Variants in CENPF observed in about 807,000 individuals in gnomAD.
CENPF encodes the protein AH antigen.
A neutral mutation model predicts 307.3 loss-of-function variants in CENPF; 214 were observed. That is an observed-to-expected ratio of 0.70 (90% CI 0.62 to 0.78). CENPF has a LOEUF of 0.78. Ranked by LOEUF, CENPF falls within the 30% of genes least tolerant of loss-of-function variation. The pLI is 0.00. For synonymous variants in CENPF, 1,259 were observed against 1,270.6 expected (o/e 0.99, Z 0.19); for missense variants, 3,401 against 3,483.9 (o/e 0.98, Z 0.60).
rs372588481 is a variant in CENPF at position 214,641,868 on chromosome 1, C to T, written c.3530C>T (p.Ser1177Phe). The T allele has an allele frequency of 1.4e-5, 22 of 1,605,092 alleles. No homozygotes were observed. The highest frequency in any genetic ancestry group is 1.8e-5 in the Non-Finnish European group (21 of 1,177,856). ...CTAGAATCAGAACCAATTAGGAACTCTGTGAAAGAAAGAGAGAGTGAGAGA... is the reference window on the plus strand; with the variant it reads ...CTAGAATCAGAACCAATTAGGAACTTTGTGAAAGAAAGAGAGAGTGAGAGA... ...QNLESEPIRNSVKERESERNQ... is the reference protein window; with the variant it reads ...QNLESEPIRNFVKERESERNQ... Residue 1177 changes from serine to phenylalanine, a missense_variant, in exon 12 of 20, where the codon TCT (serine) becomes TTT (phenylalanine). Physicochemically the swap from Ser to Phe is radical, Grantham distance 155. Transcript: ENST00000366955.
At position 214,642,721 on chromosome 1, in the gene CENPF, G is replaced by T; in HGVS notation, c.4383G>T (p.Val1461=). 1.2e-6 allele frequency: 2 copies of T among 1,614,150 alleles called. No individual in the cohort carries two copies. Among genetic ancestry groups the T allele is most frequent in the Non-Finnish European group, 1.7e-6 (2 of 1,180,024 alleles). Residue 1461 remains valine (V), a synonymous_variant, in exon 12 of 20, where the codon GTG becomes GTT. Transcript: ENST00000366955. The part of the protein sequence containing the change: ...TNLRNFQGDL[V]KEMQLGLEEG... The stretch of plus-strand genomic sequence containing the variant: ...TGAGAAACTTTCAAGGTGACTTGGT[G>T]AAGGAGATGCAGCTGGGCTTGGAGG...
At chr1:214,649,591 G>A (rs901081203) in intron 14 of CENPF, among the ~76,000 whole-genome samples, 17 of 152,204 alleles carry the variant, frequency 1.1e-4, no homozygotes, top group African/African-American at 3.9e-4. Context: ...AAGAGTTGGA[G>A]AGATTTGTTC....
At position 214,646,839 on chromosome 1, in the gene CENPF, A is replaced by G; in HGVS notation, c.7269A>G (p.Gln2423=). The change falls in exon 13 of 20, where the codon CAA becomes CAG. Residue 2423 remains glutamine, a synonymous_variant. Transcript: ENST00000366955. Reference sequence around the variant, plus strand: ...ATTCATCATTTGAAAATATTTTGCAAGAAAAAGAGCAAGAGAAAGTACAGA... The same window carrying G: ...ATTCATCATTTGAAAATATTTTGCAGGAAAAAGAGCAAGAGAAAGTACAGA... ...IINSSFENIL[Q]EKEQEKVQMK... 6.2e-7 allele frequency: 1 copy of G among 1,611,090 alleles called. No homozygotes were observed. The highest frequency in any genetic ancestry group is 8.5e-7 in the Non-Finnish European group (1 of 1,179,126).
rs1658857753 is a variant in CENPF at position 214,664,131 on chromosome 1, A to G, written c.*337A>G. 1 of 180,742 alleles carries G rather than the reference A, an allele frequency of 5.5e-6. No individual in the cohort carries two copies. The highest frequency in any genetic ancestry group is 1.1e-5 in the Non-Finnish European group (1 of 87,262). 11.2% of individuals were successfully genotyped at this position (180,742 alleles called of 1,614,324 possible). ...GTGGGTTTTACACTAAAAAAATGCA[A>G]AACACATTTTATTCTTCTAATTAAC... On this transcript the variant is annotated 3_prime_UTR_variant, in exon 20 of 20. Coordinates refer to ENST00000366955, the MANE Select transcript of CENPF (RefSeq NM_016343.4).
At chr1:214,635,446 T>G (rs1175369128) in intron 10 of CENPF, among the ~76,000 whole-genome samples, 1 of 152,202 alleles carries the variant, frequency 6.6e-6, no homozygotes, top group Non-Finnish European at 1.5e-5. Context: ...TTTTCCAGCA[T>G]AGTACCCAAT....
In CENPF at chr1:214,646,198, T is replaced by C; in HGVS notation, c.6628T>C (p.Ser2210Pro). ...TGAATTAGACCTTGTCACGTTAAGG[T>C]CTGAAAAAGAAAATCTGACAAAACA... ...VFELDLVTLR[S>P]EKENLTKQIQ... Residue 2210 changes from serine (S) to proline (P), a missense_variant, in exon 13 of 20, where the codon TCT becomes CCT. By Grantham distance (74) the Ser-to-Pro change is moderately conservative (BLOSUM62 -1). Transcript: ENST00000366955. The C allele has an allele frequency of 1.9e-6, 3 of 1,613,082 alleles. No homozygotes were observed. The East Asian group carries it at 6.7e-5, about 36-fold the overall frequency.
In CENPF at chr1:214,640,352, A is replaced by C. The variant is rs61732045; in HGVS notation, c.2014A>C (p.Arg672=). The C allele has an allele frequency of 0.018, 29,765 of 1,613,988 alleles. 411 individuals carry two copies. Among genetic ancestry groups the C allele is most frequent in the Non-Finnish European group, 0.02 (23,774 of 1,179,978 alleles). The change falls in exon 12 of 20, where the codon AGA becomes CGA. Residue 672 remains arginine (R), a synonymous_variant. Transcript: ENST00000366955. The stretch of plus-strand genomic sequence containing the variant: ...GAGAGTAAGAACGCTGGAGATGGAC[A>C]GAGAAAACCTAAGTGTCGAGATCAG... The part of the protein sequence containing the change: ...NERVRTLEMD[R]ENLSVEIRNL...
chr1:214,657,775 C>T (rs1046040373), intron 18 of CENPF, among the ~76,000 whole-genome samples: 1 of 152,182 alleles, frequency 6.6e-6, no homozygotes, highest in Non-Finnish European at 1.5e-5. Flanking sequence ...GTGATGCTGG[C>T]CCCCTGACTG....
Position 214,642,581 on chromosome 1 carries a change from C to A in CENPF, c.4243C>A (p.Gln1415Lys). 1 of 1,608,974 alleles carries A rather than the reference C, an allele frequency of 6.2e-7. No individual in the cohort carries two copies. Among genetic ancestry groups the A allele is most frequent in the South Asian group, 1.1e-5 (1 of 90,166 alleles). ...AELQEKFLSL[Q>K]SEHKILHDQH... ...ATTGCAAGAGAAATTCTTATCTTTA[C>A]AAAGTGAACACAAAATTTTACATGA... Residue 1415 changes from glutamine (Q) to lysine (K), a missense_variant, in exon 12 of 20, where the codon CAA becomes AAA. Coordinates refer to ENST00000366955, the MANE Select transcript of CENPF (RefSeq NM_016343.4).
chr1:214,612,734 A>T (rs1210288680), intron 1 of CENPF, among the ~76,000 whole-genome samples: 1 of 152,256 alleles, frequency 6.6e-6, no homozygotes, highest in Admixed American at 6.5e-5. Context: ...AGGATGTTAC[A>T]CATGGCAGGA....
In CENPF at chr1:214,646,255, C is replaced by G. The variant is rs1187779938; in HGVS notation, c.6685C>G (p.Leu2229Val). Residue 2229 changes from leucine to valine, a missense_variant, in exon 13 of 20, where the codon CTA becomes GTA. Transcript: ENST00000366955. ...AGAAAAACAAGGTCAGTTGTCAGAA[C>G]TAGACAAGTTACTCTCTTCATTTAA... Reference protein sequence around the residue: ...IQEKQGQLSELDKLLSSFKSL... With the variant: ...IQEKQGQLSEVDKLLSSFKSL... 1.2e-6 allele frequency: 2 copies of G among 1,613,906 alleles called. No homozygotes were observed. Among genetic ancestry groups the G allele is most frequent in the Non-Finnish European group, 8.5e-7 (1 of 1,180,010 alleles).
chr1:214,608,870 C>G, intron 1 of CENPF: 1 of 1,403,608 alleles, frequency 7.1e-7, no homozygotes, highest in South Asian at 1.3e-5. Context: ...AGGCCCCCAC[C>G]GGGGCCCCAG....
intron 2 of CENPF, 50 bp from the exon 3 acceptor site, chr1:214,614,782 G>A: frequency 1.5e-6 from 2 of 1,297,604 alleles, no homozygotes; most frequent in Non-Finnish European, 2.1e-6. Flanking sequence ...ATAATACTTG[G>A]TAAATTCACA....
chr1:214,610,396 T>C (rs1359621963), intron 1 of CENPF, among the ~76,000 whole-genome samples: 1 of 152,156 alleles, frequency 6.6e-6, no homozygotes, highest in African/African-American at 2.4e-5. Flanking sequence ...TGGTGTGAGA[T>C]GGTATTTCAT....
Position 214,620,953 on chromosome 1 carries a change from T to C in CENPF, c.865+7T>C, listed in dbSNP as rs780283803. 3.2e-6 allele frequency: 5 copies of C among 1,587,026 alleles called. No individual in the cohort carries two copies. In the Admixed American group the frequency reaches 5.5e-5, roughly 17 times the overall value. On this transcript the variant is annotated splice_region_variant and intron_variant, in intron 6 of 19. Coordinates refer to ENST00000366955, the MANE Select transcript of CENPF (RefSeq NM_016343.4). ...TTAAAAGCGCAGAATCAAGGTAACA[T>C]TGAGCTAAGTTAAGTTTAAATTCAC...
At chr1:214,638,517 A>T (rs1403926810) in intron 11 of CENPF, among the ~76,000 whole-genome samples, 1 of 152,206 alleles carries the variant, frequency 6.6e-6, no homozygotes, top group African/African-American at 2.4e-5. Flanking sequence ...CATCAAATGA[A>T]TCCACTCTTG....
intron 10 of CENPF, among the ~76,000 whole-genome samples, chr1:214,634,705 C>T (rs550686348): frequency 5.6e-4 from 85 of 152,306 alleles, no homozygotes; most frequent in African/African-American, 1.9e-3. Flanking sequence ...TTGCTGTCAC[C>T]TACAGGCACA....
chr1:214,657,281 C>A lies in CENPF; in HGVS notation c.8834C>A (p.Pro2945Gln), dbSNP rs921912082. ...GGAATATGGGAGAATGGTAGAGGACCAACACCTGCTACCCCAGAGAGCTTT... is the reference window on the plus strand; with the variant it reads ...GGAATATGGGAGAATGGTAGAGGACAAACACCTGCTACCCCAGAGAGCTTT... ...SSGIWENGRG[P>Q]TPATPESFSK... The change falls in exon 18 of 20, where the codon CCA becomes CAA. Residue 2945 changes from proline to glutamine, a missense_variant. Pro to Gln is a moderately conservative substitution (Grantham distance 76, BLOSUM62 -1). Transcript: ENST00000366955. 2 of 1,614,020 alleles carry A rather than the reference C, an allele frequency of 1.2e-6. No homozygotes were observed. The highest frequency in any genetic ancestry group is 1.7e-6 in the Non-Finnish European group (2 of 1,179,990).
At chr1:214,637,456 T>C (rs1359503444) in intron 10 of CENPF, among the ~76,000 whole-genome samples, 1 of 151,714 alleles carries the variant, frequency 6.6e-6, no homozygotes, top group Non-Finnish European at 1.5e-5. Flanking sequence ...AGTAAACATA[T>C]GTGCTGAGAT....
Sources: allele counts gnomAD v4.1 joint callset (sites outside exome capture counted in the v4.1 genomes callset), GRCh38; gene constraint gnomAD v4.1.1; transcripts MANE v1.5; gene names NCBI Gene and HGNC (gene_info 2026-07-23, HGNC 2026-07-21).